Variants in ARMC3 observed in about 807,000 individuals in gnomAD.
ARMC3 encodes armadillo repeat-containing protein 3.
In ARMC3, 74 loss-of-function variants were observed where a neutral mutation model predicts 90.3. That is an observed-to-expected ratio of 0.82 (90% CI 0.68 to 0.99). The LOEUF (loss-of-function observed/expected upper bound fraction) is 0.99. ARMC3 is among the 50% of genes least tolerant of loss of function. ARMC3 has a pLI of 0.00. For synonymous variants in ARMC3, 334 were observed against 361.8 expected, an observed-to-expected ratio of 0.92 and a Z score of 0.87; for missense variants, 958 against 1,042.8, an observed-to-expected ratio of 0.92 and a Z score of 1.12.
chr10:22,949,979 C>A (rs1169431034), intron 3 of ARMC3, among the ~76,000 whole-genome samples: 2 of 151,956 alleles, frequency 1.3e-5, no homozygotes, highest in Admixed American at 1.3e-4. Context: ...TGTAGAGCAA[C>A]AATCTTAAAA....
chr10:22,943,126 C>T (rs1224449596), intron 2 of ARMC3, among the ~76,000 whole-genome samples: 1 of 152,150 alleles, frequency 6.6e-6, no homozygotes, highest in East Asian at 1.9e-4. Context: ...AGTTGGAGAG[C>T]TCTGAATTAA....
intron 10 of ARMC3, among the ~76,000 whole-genome samples, chr10:22,997,896 G>A (rs1228618052): frequency 6.6e-6 from 1 of 151,954 alleles, no homozygotes; most frequent in Non-Finnish European, 1.5e-5. Context: ...CTAAAAAGTA[G>A]TAATGATATA....
chr10:22,969,925 T>C (rs145150565), intron 8 of ARMC3, among the ~76,000 whole-genome samples: 2 of 152,348 alleles, frequency 1.3e-5, no homozygotes, highest in East Asian at 3.9e-4. Context: ...GAAAGTATGC[T>C]GCAGAGTTCC....
chr10:23,009,937 C>T (rs905797658), intron 16 of ARMC3, among the ~76,000 whole-genome samples: 7 of 152,152 alleles, frequency 4.6e-5, no homozygotes, highest in Admixed American at 3.9e-4. Flanking sequence ...AGATACCAGA[C>T]CCCTGCTTTC....
rs577056857 is a variant in ARMC3 at position 23,030,618 on chromosome 10, G to C, written c.2068G>C (p.Glu690Gln). 1.3e-4 allele frequency: 216 copies of C among 1,613,280 alleles called. 5 individuals are homozygous for C. In the South Asian group the frequency reaches 2.3e-3, roughly 17 times the overall value. The change falls in exon 17 of 19, where the codon GAG (glutamate) becomes CAG (glutamine). Residue 690 changes from glutamate (E) to glutamine (Q), a missense_variant. Physicochemically the swap from Glu to Gln is conservative, Grantham distance 29. Coordinates refer to ENST00000298032, the MANE Select transcript of ARMC3 (RefSeq NM_173081.5). Reference sequence around the variant, plus strand: ...AAGGAAAAGCAAAGGAAAAAAAGAAGAGGAAAAAGTGAAAGAGGAGGAAGA... The same window carrying C: ...AAGGAAAAGCAAAGGAAAAAAAGAACAGGAAAAAGTGAAAGAGGAGGAAGA... ...GWRKSKGKKE[E>Q]EKVKEEEEVM... is the part of the protein sequence containing the mutation.
At chr10:22,962,485 C>T (rs1463978250) in intron 7 of ARMC3, among the ~76,000 whole-genome samples, 1 of 152,134 alleles carries the variant, frequency 6.6e-6, no homozygotes, top group Non-Finnish European at 1.5e-5. Context: ...AATGTCTGTG[C>T]CTTCTGGGAT....
chr10:22,930,885 A>G (rs1028083382), intron 1 of ARMC3, among the ~76,000 whole-genome samples: 6 of 152,180 alleles, frequency 3.9e-5, no homozygotes, highest in Admixed American at 3.3e-4. Flanking sequence ...GAAGAAAACT[A>G]GATAGATTTC....
chr10:23,018,163 T>C lies in ARMC3; in HGVS notation c.2045+9232T>C, dbSNP rs549081307. ...TGCAAGTCAGGTATTAGAAACAGCA[T>C]TGTGCTCCTTGGAACTCCACCTACT... On this transcript the variant is annotated intron_variant, in intron 16 of 18. Transcript: ENST00000298032. Among the ~76,000 whole-genome samples, 30 of 152,312 alleles carry C rather than the reference T, an allele frequency of 2.0e-4. No homozygotes were observed. The South Asian group carries it at 5.8e-3, about 29-fold the overall frequency.
Position 22,949,179 on chromosome 10 carries a change from T to A in ARMC3, c.166+2918T>A, listed in dbSNP as rs141453448. Among the ~76,000 whole-genome samples the A allele has an allele frequency of 2.2e-3, 341 of 152,148 alleles. 2 individuals are homozygous for A. The highest frequency in any genetic ancestry group is 8.0e-3 in the African/African-American group (332 of 41,496). ...AGTTGTTTCCAAGTAACTTAATTTGTCCCTGAAAAAAATCTTAAGAATACA... is the reference window on the plus strand; with the variant it reads ...AGTTGTTTCCAAGTAACTTAATTTGACCCTGAAAAAAATCTTAAGAATACA... On this transcript the variant is annotated intron_variant, in intron 3 of 18. Transcript: ENST00000298032.
chr10:23,013,151 G>A (rs1321453935), intron 16 of ARMC3, among the ~76,000 whole-genome samples: 8 of 151,942 alleles, frequency 5.3e-5, no homozygotes, highest in African/African-American at 1.4e-4. Context: ...TGCCTGCCTC[G>A]GCCTCCCAAA....
intron 6 of ARMC3, chr10:22,960,711 T>C (rs1835152816): frequency 6.6e-6 from 1 of 152,262 alleles, no homozygotes. Context: ...CCTAGGGCTG[T>C]TGTAACAAAG....
chr10:22,967,155 G>A (rs183045807), intron 7 of ARMC3, among the ~76,000 whole-genome samples: 140 of 152,230 alleles, frequency 9.2e-4, no homozygotes, highest in Non-Finnish European at 1.8e-3. Context: ...CTGTGGCCAG[G>A]TAGATCAGCC....
chr10:22,930,901 T>TC (rs1338980808), intron 1 of ARMC3, among the ~76,000 whole-genome samples: 1 of 152,100 alleles, frequency 6.6e-6, no homozygotes, highest in African/African-American at 2.4e-5. Context: ...ATTTCCTGGG[T>TC]TATTCTAATA....
chr10:22,987,642 T>C (rs1255998580), intron 10 of ARMC3, among the ~76,000 whole-genome samples: 1 of 152,240 alleles, frequency 6.6e-6, no homozygotes, highest in African/African-American at 2.4e-5. Context: ...TTTGTTACAG[T>C]AAATGCATGA....
intron 1 of ARMC3, among the ~76,000 whole-genome samples, chr10:22,930,802 C>T (rs1009140549): frequency 6.6e-6 from 1 of 152,132 alleles, no homozygotes; most frequent in East Asian, 1.9e-4. Context: ...TATGATATAC[C>T]GTTTAAGATT....
chr10:22,992,737 T>A (rs758683795), intron 10 of ARMC3, among the ~76,000 whole-genome samples: 1 of 152,134 alleles, frequency 6.6e-6, no homozygotes, highest in Non-Finnish European at 1.5e-5. Flanking sequence ...GCAAACACAC[T>A]CCACTTCTTG....
chr10:23,014,377 T>C, intron 16 of ARMC3: 4 of 1,271,284 alleles, frequency 3.1e-6, no homozygotes, highest in African/African-American at 1.5e-5. Context: ...AGATTAGCCA[T>C]AGCCCTGTTG....
At chr10:23,003,841 CA>C (rs34984819) in intron 13 of ARMC3, among the ~76,000 whole-genome samples, 80,659 of 146,780 alleles carry the variant, frequency 0.55, 23,046 homozygotes, top group Non-Finnish European at 0.63. Flanking sequence ...AAGACCCTGT[CA>C]AAAAAAAAAA....
chr10:23,005,265 C>CTG, intron 13 of ARMC3, among the ~76,000 whole-genome samples: 1 of 137,688 alleles, frequency 7.3e-6, no homozygotes, highest in Non-Finnish European at 1.6e-5. Context: ...AACAAGAAAA[C>CTG]TGACGGGAAA....
Sources: allele counts gnomAD v4.1 joint callset (sites outside exome capture counted in the v4.1 genomes callset), GRCh38; gene constraint gnomAD v4.1.1; transcripts MANE v1.5; gene names NCBI Gene and HGNC (gene_info 2026-07-23, HGNC 2026-07-21).